The following PKP4 variants were observed in gnomAD, a reference collection of about 807,000 sequenced individuals.
PKP4 encodes the protein plakophilin-4.
In PKP4, 90 loss-of-function variants were observed where a neutral mutation model predicts 145.1. The observed-to-expected ratio is 0.62, with a 90% CI of 0.52 to 0.74. The LOEUF (loss-of-function observed/expected upper bound fraction) is 0.74. Among genes scored for constraint, PKP4 ranks in the 30% least tolerant of loss-of-function variants. The probability of loss-of-function intolerance (pLI) is 0.00; values close to 1 mark genes in which losing one functional copy is unlikely to be tolerated. For synonymous variants in PKP4, 563 were observed against 577.2 expected, an observed-to-expected ratio of 0.98 and a Z score of 0.35; for missense variants, 1,340 against 1,482.7, an observed-to-expected ratio of 0.90 and a Z score of 1.58.
At chr2:158,649,103 A>T in intron 11 of PKP4, among the ~76,000 whole-genome samples, 1 of 152,214 alleles carries the variant, frequency 6.6e-6, no homozygotes, top group Non-Finnish European at 1.5e-5. Flanking sequence ...TTTAATTACT[A>T]AGAAGACAAA....
intron 2 of PKP4, among the ~76,000 whole-genome samples, chr2:158,575,193 CCATG>C (rs2047740929): frequency 6.6e-6 from 1 of 152,162 alleles, no homozygotes; most frequent in Non-Finnish European, 1.5e-5. Flanking sequence ...GAGGTTGTTT[CCATG>C]TCAGGATCTT....
intron 1 of PKP4, among the ~76,000 whole-genome samples, chr2:158,499,339 G>A (rs1458351365): frequency 6.6e-6 from 1 of 152,076 alleles, no homozygotes; most frequent in East Asian, 1.9e-4. Context: ...ACCCAGAGCA[G>A]TCCCAACAGC....
intron 1 of PKP4, among the ~76,000 whole-genome samples, chr2:158,510,948 C>T (rs553435761): frequency 1.0e-3 from 158 of 152,344 alleles, no homozygotes; most frequent in African/African-American, 3.6e-3. Context: ...TTTTCTGTCA[C>T]CATTCCTCAT....
chr2:158,515,947 G>A (rs2041902606), intron 1 of PKP4, among the ~76,000 whole-genome samples: 1 of 152,060 alleles, frequency 6.6e-6, no homozygotes, highest in South Asian at 2.1e-4. Context: ...TAGAGAGGCT[G>A]AGGTGGCAGG....
intron 2 of PKP4, among the ~76,000 whole-genome samples, chr2:158,549,440 G>C (rs1031815662): frequency 6.6e-6 from 1 of 151,864 alleles, no homozygotes; most frequent in African/African-American, 2.4e-5. Flanking sequence ...ATCGTTTAGT[G>C]GCCCTTCACC....
intron 11 of PKP4, among the ~76,000 whole-genome samples, chr2:158,651,671 C>T (rs1394873210): frequency 6.6e-6 from 1 of 151,888 alleles, no homozygotes; most frequent in Non-Finnish European, 1.5e-5. Flanking sequence ...ATCCTCCTGT[C>T]AAACACAAGT....
chr2:158,581,202 C>T (rs1253554475), intron 3 of PKP4, among the ~76,000 whole-genome samples: 6 of 152,150 alleles, frequency 3.9e-5, no homozygotes, highest in Non-Finnish European at 7.4e-5. Flanking sequence ...GACCCAGGCC[C>T]CCTTTCCGGT....
intron 1 of PKP4, among the ~76,000 whole-genome samples, chr2:158,532,788 ATATGT>A (rs752125643): frequency 1.3e-5 from 2 of 152,212 alleles, no homozygotes; most frequent in African/African-American, 2.4e-5. Flanking sequence ...CTAGTTATTA[ATATGT>A]TATATTTCTT....
At chr2:158,522,854 CAAAG>C (rs2042526489) in intron 1 of PKP4, among the ~76,000 whole-genome samples, 1 of 152,286 alleles carries the variant, frequency 6.6e-6, no homozygotes, top group East Asian at 1.9e-4. Context: ...CTTTCCGAGT[CAAAG>C]AAAGGGGTGA....
At position 158,526,833 on chromosome 2, in the gene PKP4, C is replaced by T. The variant is rs1015684353; in HGVS notation, c.-5-6347C>T. On this transcript the variant is annotated intron_variant, in intron 1 of 21. Coordinates refer to ENST00000389759, the MANE Select transcript of PKP4 (RefSeq NM_003628.6). ...TACAAAAATCACAAGCATTCTTATA[C>T]GCCAACAACAGACAAACAGAGAGCC... is the stretch of plus-strand genomic sequence containing the variant. 2.0e-4 allele frequency among the ~76,000 whole-genome samples: 15 copies of T among 74,044 alleles called. 6 individuals carry two copies. Among genetic ancestry groups the T allele is most frequent in the African/African-American group, 6.9e-4 (12 of 17,340 alleles). The allele number at this position is 74,044 out of a possible 152,430, so 48.6% of individuals were successfully genotyped here. A position where few individuals can be genotyped will look rare whatever the true frequency, so the allele number is the denominator to read the frequency against.
chr2:158,669,657 GAAC>G lies in PKP4; in HGVS notation c.2729-57_2729-55del, dbSNP rs763616723. Reference sequence around the variant, plus strand: ...AAGAGATTGCATGCCACCAGAATCTGAACAACAATAACAAAAACCTAGTACCTT... The same window carrying G: ...AAGAGATTGCATGCCACCAGAATCTGAACAATAACAAAAACCTAGTACCTT... On this transcript the variant is annotated intron_variant, in intron 16 of 21. Transcript: ENST00000389759. 12 of 1,306,980 alleles carry G rather than the reference GAAC, an allele frequency of 9.2e-6. No individual in the cohort carries two copies. In the South Asian group the frequency reaches 2.3e-4, roughly 25 times the overall value. The allele number at this position is 1,306,980 out of a possible 1,614,324, so 81.0% of individuals were successfully genotyped here.
At chr2:158,598,844 G>T (rs1166771414) in intron 3 of PKP4, among the ~76,000 whole-genome samples, 2 of 152,090 alleles carry the variant, frequency 1.3e-5, no homozygotes, top group Non-Finnish European at 2.9e-5. Flanking sequence ...CTGTTTCATG[G>T]GTATATAAAC....
At chr2:158,640,544 T>G (rs1158490175) in intron 9 of PKP4, 83 bp from the exon 10 acceptor site, 10 of 1,476,180 alleles carry the variant, frequency 6.8e-6, no homozygotes, top group Non-Finnish European at 9.2e-6. Flanking sequence ...CAGCTGAGCT[T>G]TTTTTCCTTA....
chr2:158,482,205 A>G lies in PKP4; in HGVS notation c.-6+24987A>G, dbSNP rs369568561. 4.6e-5 allele frequency among the ~76,000 whole-genome samples: 7 copies of G among 152,260 alleles called. No homozygotes were observed. In the East Asian group the frequency reaches 1.2e-3, roughly 25 times the overall value. On this transcript the variant is annotated intron_variant, in intron 1 of 21. Transcript: ENST00000389759. ...GTGCCTACTATGCAGGACACTGCAA[A>G]TATACATTTCCACATCATCACAGGA...
In PKP4 at chr2:158,483,830, T is replaced by A. The variant is rs563932719; in HGVS notation, c.-6+26612T>A. On this transcript the variant is annotated intron_variant, in intron 1 of 21. Coordinates refer to ENST00000389759, the MANE Select transcript of PKP4 (RefSeq NM_003628.6). ...ATAAAATTAGGAGATTAACAGATAA[T>A]TAACAAATAATTTGAAAGGTATTGT... 2.6e-5 allele frequency among the ~76,000 whole-genome samples: 4 copies of A among 152,072 alleles called. No individual in the cohort carries two copies. In the East Asian group the frequency reaches 7.8e-4, roughly 29 times the overall value.
At position 158,624,762 on chromosome 2, in the gene PKP4, G is replaced by C. The variant is rs1176677142; in HGVS notation, c.604-116G>C. 8.7e-6 allele frequency: 6 copies of C among 691,492 alleles called. No individual in the cohort carries two copies. The Admixed American group carries it at 8.9e-5, about 10-fold the overall frequency. The allele number at this position is 691,492 out of a possible 1,614,324, so 42.8% of individuals were successfully genotyped here. ...AAGCATAAAAAGGAAAAGAATCTTA[G>C]ATGCCTAAAATAGTGGATTCACATT... On this transcript the variant is annotated intron_variant, in intron 6 of 21. Coordinates refer to ENST00000389759, the MANE Select transcript of PKP4 (RefSeq NM_003628.6).
chr2:158,607,703 C>T (rs1362584592), intron 4 of PKP4, among the ~76,000 whole-genome samples: 1 of 152,160 alleles, frequency 6.6e-6, no homozygotes, highest in African/African-American at 2.4e-5. Flanking sequence ...TCCTAACCCT[C>T]ACCAGTCTAT....
intron 11 of PKP4, among the ~76,000 whole-genome samples, chr2:158,648,616 G>C (rs2055048783): frequency 6.6e-6 from 1 of 152,188 alleles, no homozygotes. Context: ...AGGGCTGTTA[G>C]AAGCTATGTG....
At chr2:158,668,475 G>A (rs767287915) in intron 16 of PKP4, among the ~76,000 whole-genome samples, 22 of 152,230 alleles carry the variant, frequency 1.4e-4, no homozygotes, top group East Asian at 9.6e-4. Context: ...CCACCCTGCT[G>A]TCTGGAGCTG....
Sources: gnomAD v4.1 joint callset for allele counts (sites outside exome capture counted in the v4.1 genomes callset) on GRCh38, gnomAD v4.1.1 for gene constraint, MANE v1.5 for transcripts, NCBI Gene and HGNC (gene_info 2026-07-23, HGNC 2026-07-21) for gene names.